SIK3: variants seen among roughly 807,000 people sequenced by gnomAD.
The protein encoded by SIK3 is serine/threonine-protein kinase SIK3.
SIK3 carries 28 observed loss-of-function variants against 144.2 expected under a neutral mutation model. That is an observed-to-expected ratio of 0.19 (90% CI 0.14 to 0.27). The LOEUF (loss-of-function observed/expected upper bound fraction) is 0.27. SIK3 is among the 10% of genes least tolerant of loss of function. SIK3 has a pLI of 1.00. For missense variants in SIK3, 1,319 were observed against 1,776.0 expected (o/e 0.74, Z 4.62); for synonymous variants, 686 against 676.3 (o/e 1.01, Z -0.22).
intron 1 of SIK3, among the ~76,000 whole-genome samples, chr11:116,966,318 C>T (rs1194230991): frequency 6.6e-6 from 1 of 152,146 alleles, no homozygotes; most frequent in African/African-American, 2.4e-5. Flanking sequence ...TCATTTGAGT[C>T]CAAGAGCTCA....
At chr11:117,062,735 T>C (rs929028177) in intron 1 of SIK3, among the ~76,000 whole-genome samples, 3 of 152,174 alleles carry the variant, frequency 2.0e-5, no homozygotes, top group South Asian at 2.1e-4. Context: ...GTGGAAAAAG[T>C]GCATGCCTTC....
intron 1 of SIK3, among the ~76,000 whole-genome samples, chr11:116,977,731 A>C (rs1949998578): frequency 6.6e-6 from 1 of 152,228 alleles, no homozygotes; most frequent in South Asian, 2.1e-4. Flanking sequence ...GACAGGTAGA[A>C]TAAAAGGCCT....
intron 1 of SIK3, among the ~76,000 whole-genome samples, chr11:116,990,008 GA>G (rs1226476659): frequency 2.0e-5 from 3 of 152,140 alleles, no homozygotes; most frequent in African/African-American, 7.2e-5. Context: ...ATTTCAGTCT[GA>G]AAACAGTGGC....
intron 1 of SIK3, among the ~76,000 whole-genome samples, chr11:116,966,629 G>T (rs1350053906): frequency 2.0e-5 from 3 of 152,072 alleles, no homozygotes; most frequent in African/African-American, 7.2e-5. Flanking sequence ...TTTCGTTTTT[G>T]AATTAGGGGT....
At chr11:116,969,065 T>G (rs1016277414) in intron 1 of SIK3, among the ~76,000 whole-genome samples, 2 of 151,348 alleles carry the variant, frequency 1.3e-5, no homozygotes, top group Admixed American at 6.6e-5. Flanking sequence ...CCGAGGCGGG[T>G]GGATCACAAG....
In SIK3 at chr11:116,937,679, C is replaced by A. The variant is rs755848173; in HGVS notation, c.455-10299G>T. ...ACTATGTTAACGTCATCTGGAACCACAATTTTCAACATAAGGGAAAAGAGA... is the reference window on the plus strand; with the variant it reads ...ACTATGTTAACGTCATCTGGAACCAAAATTTTCAACATAAGGGAAAAGAGA... On this transcript the variant is annotated intron_variant, in intron 3 of 24. Transcript: ENST00000445177. 6.4e-4 allele frequency among the ~76,000 whole-genome samples: 97 copies of A among 152,094 alleles called. 1 individual carries two copies. Among genetic ancestry groups the A allele is most frequent in the Non-Finnish European group, 5.9e-5 (4 of 68,026 alleles).
Position 116,849,203 on chromosome 11 carries a change from G to A in SIK3, c.3736C>T (p.Pro1246Ser). The A allele has an allele frequency of 6.2e-7, 1 of 1,614,126 alleles. No individual in the cohort carries two copies. The highest frequency in any genetic ancestry group is 1.3e-5 in the African/African-American group (1 of 75,032). Residue 1246 changes from proline to serine, a missense_variant, in exon 22 of 25, where the codon CCA becomes TCA. Physicochemically the swap from Pro to Ser is moderately conservative, Grantham distance 74. Coordinates refer to ENST00000445177, the MANE Select transcript of SIK3 (RefSeq NM_001366686.3). This position sits in a 1 kb window ranked among gnomAD's most constrained non-coding sequence, Gnocchi z 4.2. ...ELPDHNGLGYPARPSVHEHHR... is the reference protein window; with the variant it reads ...ELPDHNGLGYSARPSVHEHHR... The stretch of plus-strand genomic sequence containing the variant: ...TGCTCATGGACGGAGGGGCGTGCTG[G>A]GTACCCGAGCCCATTGTGATCCGGC...
chr11:116,917,610 G>A (rs1309442708), intron 4 of SIK3, among the ~76,000 whole-genome samples: 1 of 152,006 alleles, frequency 6.6e-6, no homozygotes, highest in African/African-American at 2.4e-5. Context: ...TTGGGAGGCT[G>A]AGGTGGGAGG....
intron 4 of SIK3, among the ~76,000 whole-genome samples, chr11:116,898,064 G>A (rs922904737): frequency 5.3e-5 from 8 of 151,752 alleles, no homozygotes; most frequent in East Asian, 1.9e-4. Context: ...ATGCTGGTGC[G>A]CTGCACCCAC....
Position 116,937,102 on chromosome 11 carries a change from C to G in SIK3, c.455-9722G>C, listed in dbSNP as rs376709281. Among the ~76,000 whole-genome samples, 5 of 152,138 alleles carry G rather than the reference C, an allele frequency of 3.3e-5. No individual in the cohort carries two copies. In the East Asian group the frequency reaches 9.6e-4, roughly 29 times the overall value. On this transcript the variant is annotated intron_variant, in intron 3 of 24. Coordinates refer to ENST00000445177, the MANE Select transcript of SIK3 (RefSeq NM_001366686.3). ...CAATTATATTACAGTAATTTCTTAT[C>G]TTGTGTGTCTTCCCTCCTAGCCCAT...
intron 1 of SIK3, among the ~76,000 whole-genome samples, chr11:117,062,789 AC>A (rs1202936673): frequency 6.6e-6 from 1 of 152,210 alleles, no homozygotes; most frequent in Non-Finnish European, 1.5e-5. Context: ...AGAGTGGTTC[AC>A]ATACACAGTA....
intron 3 of SIK3, among the ~76,000 whole-genome samples, chr11:116,948,814 G>C (rs1239568296): frequency 1.3e-5 from 2 of 149,732 alleles, no homozygotes; most frequent in African/African-American, 4.9e-5. Flanking sequence ...TTGGCTTCAA[G>C]ACACTAGAAG....
intron 4 of SIK3, among the ~76,000 whole-genome samples, chr11:116,925,580 G>A (rs1425157546): frequency 6.6e-6 from 1 of 152,178 alleles, no homozygotes; most frequent in Non-Finnish European, 1.5e-5. Context: ...ACAAATCTGT[G>A]TTTTTCCAAG....
At chr11:117,062,556 C>G (rs1953842579) in intron 1 of SIK3, among the ~76,000 whole-genome samples, 1 of 152,100 alleles carries the variant, frequency 6.6e-6, no homozygotes, top group Non-Finnish European at 1.5e-5. Context: ...TAGTAACAGA[C>G]AGCAATTGTT....
chr11:116,960,276 AGCACTTTG>A (rs1358919418), intron 1 of SIK3, among the ~76,000 whole-genome samples: 1 of 152,200 alleles, frequency 6.6e-6, no homozygotes, highest in Non-Finnish European at 1.5e-5. Context: ...CTGTAATTCC[AGCACTTTG>A]GGAGTTAAAG....
At chr11:117,053,604 TC>T (rs1565598323) in intron 1 of SIK3, among the ~76,000 whole-genome samples, 1 of 152,034 alleles carries the variant, frequency 6.6e-6, no homozygotes, top group Non-Finnish European at 1.5e-5. Flanking sequence ...GCAGTCTGGC[TC>T]CAAACTCAGG....
intron 1 of SIK3, among the ~76,000 whole-genome samples, chr11:117,070,977 C>T (rs1954251537): frequency 6.6e-6 from 1 of 152,018 alleles, no homozygotes; most frequent in Non-Finnish European, 1.5e-5. Context: ...GATCCACCCA[C>T]GTCGGCCTCC....
At position 116,861,303 on chromosome 11, in the gene SIK3, G is replaced by C. The variant is rs772547295; in HGVS notation, c.2396C>G (p.Pro799Arg). 1.2e-5 allele frequency: 19 copies of C among 1,595,224 alleles called. No homozygotes were observed. The highest frequency in any genetic ancestry group is 4.1e-5 in the African/African-American group (3 of 73,266). ...LFRQPSNSPP[P>R]MSSAMIQPHG... ...AGGCTGGATCATGGCACTGCTCATG[G>C]GGGGAGGACTATTACTGGGCTGCCT... The change falls in exon 19 of 25, where the codon CCC becomes CGC. Residue 799 changes from proline to arginine, a missense_variant. By Grantham distance (103) the Pro-to-Arg change is moderately radical (BLOSUM62 -2). Transcript: ENST00000445177.
intron 1 of SIK3, among the ~76,000 whole-genome samples, chr11:116,986,424 T>G (rs1950327240): frequency 6.6e-6 from 1 of 152,240 alleles, no homozygotes; most frequent in Non-Finnish European, 1.5e-5. Context: ...AGTATTATTC[T>G]ACTTTCCCTG....
Sources: allele counts gnomAD v4.1 joint callset (sites outside exome capture counted in the v4.1 genomes callset), GRCh38; gene constraint gnomAD v4.1.1; non-coding constraint Gnocchi (gnomAD v3.1); transcripts MANE v1.5; gene names NCBI Gene and HGNC (gene_info 2026-07-23, HGNC 2026-07-21).